SLC41A2: variants seen among roughly 807,000 people sequenced by gnomAD.
SLC41A2 encodes the protein SLC41A1-like 1.
SLC41A2 carries 32 observed loss-of-function variants against 58.3 expected under a neutral mutation model. The ratio of observed to expected loss-of-function variants is 0.55; its 90% CI spans 0.41 to 0.74. The LOEUF (loss-of-function observed/expected upper bound fraction) is 0.74, where lower values mean the gene tolerates loss of function less well. Among genes scored for constraint, SLC41A2 ranks in the 30% least tolerant of loss-of-function variants. The probability of loss-of-function intolerance (pLI) is 0.00; values close to 1 mark genes in which losing one functional copy is unlikely to be tolerated. For synonymous variants in SLC41A2, 190 were observed against 235.0 expected, an observed-to-expected ratio of 0.81 and a Z score of 1.75; for missense variants, 514 against 680.6, an observed-to-expected ratio of 0.76 and a Z score of 2.72.
intron 8 of SLC41A2, among the ~76,000 whole-genome samples, chr12:104,855,894 G>T (rs573109892): frequency 1.3e-5 from 2 of 152,314 alleles, no homozygotes; most frequent in Non-Finnish European, 2.9e-5. Context: ...GATGAGTTCA[G>T]TTAGAAGCTT....
rs2045226135 is a variant in SLC41A2, at chr12:104,895,308, C to T, written c.701G>A (p.Trp234Ter). 2 of 1,613,208 alleles carry T rather than the reference C, an allele frequency of 1.2e-6. No individual in the cohort carries two copies. Among genetic ancestry groups the T allele is most frequent in the Non-Finnish European group, 1.7e-6 (2 of 1,179,484 alleles). ...IGKMDSPIEKWNLIIGNLALK... is the reference protein window; with the variant it reads ...IGKMDSPIEK ...AGCCAAGTTGCCAATTATTAGGTTC[C>T]ACTTTTCAATGGGTGAATCCATCTT... Residue 234 changes from tryptophan (W) to a stop codon, truncating the protein, a stop_gained, in exon 4 of 11, where the codon TGG (tryptophan) becomes TAG (stop). Coordinates refer to ENST00000258538, the MANE Select transcript of SLC41A2 (RefSeq NM_001352171.3). LOFTEE classifies it high-confidence loss of function.
intron 4 of SLC41A2, among the ~76,000 whole-genome samples, chr12:104,890,818 C>G (rs1229353997): frequency 2.0e-5 from 3 of 152,200 alleles, no homozygotes; most frequent in Non-Finnish European, 4.4e-5. Flanking sequence ...GAAGACCATT[C>G]TGTACAATCG....
chr12:104,871,800 C>CT (rs2043791904), intron 6 of SLC41A2, among the ~76,000 whole-genome samples: 1 of 152,118 alleles, frequency 6.6e-6, no homozygotes, highest in South Asian at 2.1e-4. Flanking sequence ...GTATATGGCA[C>CT]TATAGGGTGC....
intron 6 of SLC41A2, among the ~76,000 whole-genome samples, chr12:104,884,556 T>C (rs2044562025): frequency 6.6e-6 from 1 of 152,174 alleles, no homozygotes; most frequent in Non-Finnish European, 1.5e-5. Flanking sequence ...CCACCCTCTA[T>C]GTTCCTGGGC....
chr12:104,906,942 C>T (rs960395760), intron 3 of SLC41A2, among the ~76,000 whole-genome samples: 5 of 152,276 alleles, frequency 3.3e-5, no homozygotes, highest in Admixed American at 6.5e-5. Flanking sequence ...TTCCTGACCA[C>T]GTTGTGTAAA....
At chr12:104,884,857 T>C (rs2044578678) in intron 6 of SLC41A2, among the ~76,000 whole-genome samples, 1 of 152,130 alleles carries the variant, frequency 6.6e-6, no homozygotes, top group African/African-American at 2.4e-5. Flanking sequence ...TGTGGGTGAG[T>C]TTAATAGAGT....
At chr12:104,916,201 T>C (rs1354908715) in intron 2 of SLC41A2, among the ~76,000 whole-genome samples, 1 of 152,240 alleles carries the variant, frequency 6.6e-6, no homozygotes, top group Non-Finnish European at 1.5e-5. Flanking sequence ...TTTGCATCAA[T>C]GTTCATCAAA....
At chr12:104,916,674 T>C (rs2046337838) in intron 2 of SLC41A2, among the ~76,000 whole-genome samples, 1 of 152,050 alleles carries the variant, frequency 6.6e-6, no homozygotes, top group Non-Finnish European at 1.5e-5. Flanking sequence ...ACGCCACATA[T>C]CTACAACTAT....
intron 1 of SLC41A2, among the ~76,000 whole-genome samples, chr12:104,952,090 C>A (rs899581616): frequency 1.3e-5 from 2 of 152,154 alleles, no homozygotes; most frequent in East Asian, 3.9e-4. Flanking sequence ...GTATGCAGTT[C>A]TATCATTAAC....
chr12:104,843,170 A>C (rs1392430454), intron 10 of SLC41A2, among the ~76,000 whole-genome samples: 3 of 151,996 alleles, frequency 2.0e-5, no homozygotes, highest in Non-Finnish European at 4.4e-5. Context: ...TATATAGCTA[A>C]ACTCAGTACT....
rs1365503071 is a variant in SLC41A2 at position 104,921,388 on chromosome 12, AG to A, written c.555+6584del. ...TCCTAAAAGCAGCAAGAGAAAAAGA[AG>A]AAATAACATGTGAAGGAGCTCCAGG... On this transcript the variant is annotated intron_variant, in intron 2 of 10. Coordinates refer to ENST00000258538, the MANE Select transcript of SLC41A2 (RefSeq NM_001352171.3). Among the ~76,000 whole-genome samples the A allele has an allele frequency of 2.0e-5, 3 of 152,132 alleles. No individual in the cohort carries two copies. In the East Asian group the frequency reaches 5.8e-4, roughly 29 times the overall value.
chr12:104,899,019 C>A (rs985127355), intron 3 of SLC41A2, among the ~76,000 whole-genome samples: 1 of 152,172 alleles, frequency 6.6e-6, no homozygotes, highest in African/African-American at 2.4e-5. Context: ...TCATTCATTG[C>A]TGGTGTAAAG....
chr12:104,917,085 G>A (rs1296027220), intron 2 of SLC41A2, among the ~76,000 whole-genome samples: 6 of 150,870 alleles, frequency 4.0e-5, no homozygotes, highest in Non-Finnish European at 8.9e-5. Context: ...TCTGACAAAG[G>A]GCTAATATCC....
chr12:104,855,758 G>A (rs2042996125), intron 8 of SLC41A2, among the ~76,000 whole-genome samples: 1 of 152,158 alleles, frequency 6.6e-6, no homozygotes, highest in Non-Finnish European at 1.5e-5. Flanking sequence ...TATTTCAAGA[G>A]CAGATAAAAA....
chr12:104,814,695 A>G (rs1252316837), intron 10 of SLC41A2, among the ~76,000 whole-genome samples: 1 of 152,190 alleles, frequency 6.6e-6, no homozygotes, highest in African/African-American at 2.4e-5. Context: ...ATTAAACAAG[A>G]TAATATAGGT....
intron 10 of SLC41A2, among the ~76,000 whole-genome samples, chr12:104,843,098 G>A (rs1328029102): frequency 6.6e-6 from 1 of 151,990 alleles, no homozygotes; most frequent in African/African-American, 2.4e-5. Context: ...CTGAACTATA[G>A]AAAAATATTA....
intron 8 of SLC41A2, among the ~76,000 whole-genome samples, chr12:104,853,901 TG>T (rs2042900953): frequency 6.9e-6 from 1 of 144,550 alleles, no homozygotes; most frequent in South Asian, 2.2e-4. Flanking sequence ...CATGTCACCA[TG>T]CCTGGCTGAT....
rs1415619705 is a variant in SLC41A2 at position 104,842,576 on chromosome 12, AT to A, written c.1536+1895del. Among the ~76,000 whole-genome samples, 4 of 152,066 alleles carry A rather than the reference AT, an allele frequency of 2.6e-5. No individual in the cohort carries two copies. The South Asian group carries it at 8.3e-4, about 32-fold the overall frequency. On this transcript the variant is annotated intron_variant, in intron 10 of 10. Transcript: ENST00000258538. ...TAAACACACTTTATATAAATAATTC[AT>A]TTAATCCTCAAAGCAGCCTGTCTGG...
At chr12:104,904,051 G>A (rs1056679788) in intron 3 of SLC41A2, among the ~76,000 whole-genome samples, 2 of 152,200 alleles carry the variant, frequency 1.3e-5, no homozygotes, top group African/African-American at 4.8e-5. Flanking sequence ...GGTAGTATGT[G>A]ATCAAATTAA....
Sources: gnomAD v4.1 joint callset for allele counts (sites outside exome capture counted in the v4.1 genomes callset) on GRCh38, gnomAD v4.1.1 for gene constraint, MANE v1.5 for transcripts, NCBI Gene and HGNC (gene_info 2026-07-23, HGNC 2026-07-21) for gene names.